NTRK3: variants seen among roughly 807,000 people sequenced by gnomAD.
NTRK3 encodes neurotrophic receptor tyrosine kinase 3.
NTRK3 carries 24 observed loss-of-function variants against 91.7 expected under a neutral mutation model. The ratio of observed to expected loss-of-function variants is 0.26; its 90% confidence interval spans 0.19 to 0.37. NTRK3 has a LOEUF of 0.37. Ranked by LOEUF, NTRK3 falls within the 10% of genes least tolerant of loss-of-function variation. The pLI is 1.00. For synonymous variants in NTRK3, 483 were observed against 404.0 expected (o/e 1.20, Z -2.34); for missense variants, 880 against 1,068.9 (o/e 0.82, Z 2.46).
At chr15:87,949,985 C>T (rs1389364732) in intron 14 of NTRK3, among the ~76,000 whole-genome samples, 1 of 152,166 alleles carries the variant, frequency 6.6e-6, no homozygotes, top group African/African-American at 2.4e-5. Context: ...TCAAAGTGCC[C>T]ATATGAGGGT....
chr15:88,029,406 G>T (rs538127054), intron 14 of NTRK3, among the ~76,000 whole-genome samples: 1 of 152,336 alleles, frequency 6.6e-6, no homozygotes, highest in African/African-American at 2.4e-5. Context: ...CAGATAGAAA[G>T]TGAGAAGCAA....
At chr15:88,055,156 C>T (rs1191318815) in intron 13 of NTRK3, among the ~76,000 whole-genome samples, 1 of 152,202 alleles carries the variant, frequency 6.6e-6, no homozygotes, top group Non-Finnish European at 1.5e-5. Flanking sequence ...TGGTAGACCC[C>T]CATGGCCTCA....
intron 14 of NTRK3, among the ~76,000 whole-genome samples, chr15:87,942,774 T>A (rs1330576219): frequency 6.6e-6 from 1 of 152,140 alleles, no homozygotes; most frequent in Non-Finnish European, 1.5e-5. Flanking sequence ...ATAGTACGAG[T>A]TTAACTTACC....
chr15:87,956,077 G>A (rs2071625456), intron 14 of NTRK3, among the ~76,000 whole-genome samples: 1 of 152,064 alleles, frequency 6.6e-6, no homozygotes. Flanking sequence ...ATCTGGAGGG[G>A]TCAGGATAGA....
intron 3 of NTRK3, among the ~76,000 whole-genome samples, chr15:88,218,595 T>C (rs903400082): frequency 3.3e-5 from 5 of 152,204 alleles, no homozygotes; most frequent in African/African-American, 7.2e-5. Flanking sequence ...TTAACCACCA[T>C]GCTGTCAGCT....
At chr15:88,083,969 C>T (rs774441312) in intron 13 of NTRK3, among the ~76,000 whole-genome samples, 1 of 152,106 alleles carries the variant, frequency 6.6e-6, no homozygotes, top group Admixed American at 6.5e-5. Context: ...AAACACTCTT[C>T]CCCTAATTTT....
chr15:88,080,643 G>C (rs2047958884), intron 13 of NTRK3, among the ~76,000 whole-genome samples: 1 of 152,216 alleles, frequency 6.6e-6, no homozygotes, highest in Admixed American at 6.5e-5. Flanking sequence ...GGAAGTCCCA[G>C]TAGGTTTGGC....
chr15:87,949,741 C>A (rs1348162657), intron 14 of NTRK3, among the ~76,000 whole-genome samples: 1 of 152,188 alleles, frequency 6.6e-6, no homozygotes, highest in African/African-American at 2.4e-5. Context: ...ACTTCCTGGT[C>A]TCTATATTCT....
chr15:87,875,880 T>C (rs2141428933), exon 19 of NTRK3: 2 of 232,306 alleles, frequency 8.6e-6, no homozygotes, highest in South Asian at 3.6e-4. Flanking sequence ...GGGGCATTCG[T>C]TATAATGACC....
chr15:87,927,298 T>A (rs1442661979), intron 17 of NTRK3: 1 of 152,240 alleles, frequency 6.6e-6, no homozygotes, highest in East Asian at 1.9e-4. Context: ...AGGTCATTTC[T>A]CAAACATTCC....
intron 13 of NTRK3, among the ~76,000 whole-genome samples, chr15:88,033,586 C>T (rs997254664): frequency 1.3e-5 from 2 of 152,046 alleles, no homozygotes; most frequent in African/African-American, 4.8e-5. Context: ...GCTAGGATTA[C>T]AGGTGTGAGT....
intron 3 of NTRK3, among the ~76,000 whole-genome samples, chr15:88,239,467 AT>A (rs2052110837): frequency 6.6e-6 from 1 of 152,138 alleles, no homozygotes; most frequent in African/African-American, 2.4e-5. Context: ...CTCCCAGATC[AT>A]TTTTACAAAT....
chr15:87,981,054 C>A (rs1439143799), intron 14 of NTRK3, among the ~76,000 whole-genome samples: 1 of 152,152 alleles, frequency 6.6e-6, no homozygotes, highest in Non-Finnish European at 1.5e-5. Context: ...CCCTGGAAGA[C>A]ACTCCTTTAA....
intron 13 of NTRK3, among the ~76,000 whole-genome samples, chr15:88,056,308 G>A (rs921327072): frequency 6.6e-5 from 10 of 151,200 alleles, no homozygotes; most frequent in African/African-American, 2.4e-4. Context: ...AATGATTCAT[G>A]CAGAGTGATG....
At chr15:88,058,166 G>A (rs1054241933) in intron 13 of NTRK3, among the ~76,000 whole-genome samples, 12 of 152,190 alleles carry the variant, frequency 7.9e-5, no homozygotes, top group Non-Finnish European at 1.6e-4. Flanking sequence ...AGGAGCAAGT[G>A]TGTAGGAACT....
At chr15:87,912,055 G>T (rs904728598) in intron 17 of NTRK3, among the ~76,000 whole-genome samples, 3 of 152,076 alleles carry the variant, frequency 2.0e-5, no homozygotes, top group Non-Finnish European at 2.9e-5. Context: ...TTCCTTCCTC[G>T]CCCTTCAGTT....
At chr15:88,116,640 A>G (rs935176088) in intron 13 of NTRK3, among the ~76,000 whole-genome samples, 1 of 152,180 alleles carries the variant, frequency 6.6e-6, no homozygotes, top group African/African-American at 2.4e-5. Context: ...TCCACAGAGC[A>G]GCATTGTCTG....
chr15:88,228,934 T>G (rs967512577), intron 3 of NTRK3, among the ~76,000 whole-genome samples: 1 of 152,132 alleles, frequency 6.6e-6, no homozygotes, highest in African/African-American at 2.4e-5. Flanking sequence ...GGGAGTGTTG[T>G]GGGGGGACCT....
chr15:87,875,743 C>T (rs1258524170), exon 19 of NTRK3: 1 of 233,054 alleles, frequency 4.3e-6, no homozygotes, highest in Non-Finnish European at 8.5e-6. Context: ...CTGAAACACT[C>T]ACTGCTGCAG....
Sources: gnomAD v4.1 joint callset for allele counts (sites outside exome capture counted in the v4.1 genomes callset) on GRCh38, gnomAD v4.1.1 for gene constraint, MANE v1.5 for transcripts, NCBI Gene and HGNC (gene_info 2026-07-23, HGNC 2026-07-21) for gene names.